EDA: variants seen among roughly 807,000 people sequenced by gnomAD.
EDA encodes the protein ectodysplasin-A.
Under a neutral mutation model 23.6 loss-of-function variants are expected in EDA, and 2 were observed. The ratio of observed to expected loss-of-function variants is 0.08; its 90% CI spans 0.03 to 0.27. The LOEUF (loss-of-function observed/expected upper bound fraction) is 0.27. Ranked by LOEUF, EDA falls within the 10% of genes least tolerant of loss-of-function variation. The probability of loss-of-function intolerance (pLI) is 1.00; values close to 1 mark genes in which losing one functional copy is unlikely to be tolerated. For synonymous variants in EDA, 131 were observed against 132.0 expected (o/e 0.99, Z 0.05); for missense variants, 229 against 324.2 (o/e 0.71, Z 2.26).
intron 1 of EDA, among the ~76,000 whole-genome samples, chrX:69,625,769 A>G (rs866842482): frequency 9.0e-6 from 1 of 110,737 alleles, no homozygotes; most frequent in East Asian, 2.8e-4. Flanking sequence ...TGCAGAGCAA[A>G]GATTTATTAG....
At chrX:69,945,075 A>G (rs1897280493) in intron 1 of EDA, among the ~76,000 whole-genome samples, 1 of 112,323 alleles carries the variant, frequency 8.9e-6, no homozygotes, top group East Asian at 2.8e-4. Context: ...GGTGGTTTTA[A>G]GACTGTCTTT....
chrX:69,782,616 G>A (rs1308942857), intron 1 of EDA, among the ~76,000 whole-genome samples: 1 of 111,198 alleles, frequency 9.0e-6, no homozygotes, highest in Non-Finnish European at 1.9e-5. Flanking sequence ...TTTGTTCATC[G>A]AAGTGTCTCA....
intron 1 of EDA, among the ~76,000 whole-genome samples, chrX:69,889,021 T>TATATATATATATATA (rs58327577): frequency 1.6e-3 from 116 of 73,482 alleles, no homozygotes; most frequent in East Asian, 2.6e-3. Context: ...TATATATATA[T>TATATATATATATATA]TATGTTTTTC....
intron 1 of EDA, among the ~76,000 whole-genome samples, chrX:69,919,720 G>A (rs183213110): frequency 1.2e-3 from 133 of 112,168 alleles, no homozygotes; most frequent in Non-Finnish European, 1.7e-3. Context: ...TTCTGCTTCA[G>A]AAGTCATAGT....
At chrX:69,872,600 T>C (rs1437539556) in intron 1 of EDA, among the ~76,000 whole-genome samples, 1 of 111,600 alleles carries the variant, frequency 9.0e-6, no homozygotes, top group African/African-American at 3.3e-5. Flanking sequence ...GGAGTAGCTA[T>C]ACTAATAACA....
At chrX:69,645,264 CTT>C (rs1316246487) in intron 1 of EDA, among the ~76,000 whole-genome samples, 2 of 109,416 alleles carry the variant, frequency 1.8e-5, no homozygotes, top group African/African-American at 6.7e-5. Flanking sequence ...TTGTCAAAGT[CTT>C]AATTTCAGAA....
At chrX:69,786,815 T>G (rs755984582) in intron 1 of EDA, among the ~76,000 whole-genome samples, 1 of 111,390 alleles carries the variant, frequency 9.0e-6, no homozygotes, top group East Asian at 2.8e-4. Context: ...GTCCGCTTGG[T>G]GCAGAGCTGA....
chrX:69,659,966 G>A (rs1437190607), intron 1 of EDA, among the ~76,000 whole-genome samples: 1 of 111,559 alleles, frequency 9.0e-6, no homozygotes, highest in Non-Finnish European at 1.9e-5. Context: ...CCTAGGCATG[G>A]ATGTGTCAGT....
In EDA at chrX:69,705,981, G is replaced by A. The variant is rs2011704363; in HGVS notation, c.396+89277G>A. ...GCCAAGAAAATCACCTTAAACAAAG[G>A]TAAGGCTTGTTATGTAAATTTAAGT... On this transcript the variant is annotated intron_variant, in intron 1 of 7. Transcript: ENST00000374552. Among the ~76,000 whole-genome samples the A allele has an allele frequency of 2.7e-5, 3 of 112,115 alleles. No individual in the cohort carries two copies. The Admixed American group carries it at 2.8e-4, about 11-fold the overall frequency.
chrX:69,886,135 G>T (rs2017826346), intron 1 of EDA, among the ~76,000 whole-genome samples: 1 of 111,817 alleles, frequency 8.9e-6, no homozygotes, highest in African/African-American at 3.2e-5. Flanking sequence ...GACACAGAGG[G>T]AGGCATGCTT....
In EDA at chrX:69,661,831, TA is replaced by T. The variant is rs757012861; in HGVS notation, c.396+45133del. Among the ~76,000 whole-genome samples, 10 of 111,988 alleles carry T rather than the reference TA, an allele frequency of 8.9e-5. No homozygotes were observed. In the South Asian group the frequency reaches 3.7e-3, roughly 42 times the overall value. ...CTTAGGATTAATCACTAGTATTTTTTAAAAAATACATTTCATTGTGTATATT... is the reference window on the plus strand; with the variant it reads ...CTTAGGATTAATCACTAGTATTTTTTAAAAATACATTTCATTGTGTATATT... On this transcript the variant is annotated intron_variant, in intron 1 of 7. Coordinates refer to ENST00000374552, the MANE Select transcript of EDA (RefSeq NM_001399.5).
chrX:69,964,990 T>C (rs1569387628), intron 2 of EDA, among the ~76,000 whole-genome samples: 1 of 111,851 alleles, frequency 8.9e-6, no homozygotes, highest in Non-Finnish European at 1.9e-5. Flanking sequence ...AAGGGCACAG[T>C]AGTGAACAAG....
At position 69,718,236 on chromosome X, in the gene EDA, G is replaced by A. The variant is rs1343650864; in HGVS notation, c.396+101532G>A. Among the ~76,000 whole-genome samples, 20 of 111,961 alleles carry A rather than the reference G, an allele frequency of 1.8e-4. No individual in the cohort carries two copies. The Admixed American group carries it at 1.9e-3, about 11-fold the overall frequency. The stretch of plus-strand genomic sequence containing the variant: ...CCTTGGGATCTTCAACGTAGACATA[G>A]CATCTGCAAACAAAGATAGTTTTCT... On this transcript the variant is annotated intron_variant, in intron 1 of 7. Coordinates refer to ENST00000374552, the MANE Select transcript of EDA (RefSeq NM_001399.5).
chrX:69,828,137 T>C (rs1477077184), intron 1 of EDA, among the ~76,000 whole-genome samples: 3 of 111,257 alleles, frequency 2.7e-5, no homozygotes, highest in Non-Finnish European at 3.8e-5. Context: ...TCTGCAGAAG[T>C]TACTGCTGTC....
chrX:69,906,973 G>C (rs1451256398), intron 1 of EDA, among the ~76,000 whole-genome samples: 1 of 111,882 alleles, frequency 8.9e-6, no homozygotes, highest in African/African-American at 3.2e-5. Context: ...AATAATTCAA[G>C]CAAGGAATTG....
chrX:69,980,201 G>A (rs905785657), intron 2 of EDA, among the ~76,000 whole-genome samples: 1 of 111,343 alleles, frequency 9.0e-6, no homozygotes, highest in Non-Finnish European at 1.9e-5. Flanking sequence ...TAATCTGGGT[G>A]ACAAGGAGTC....
At chrX:69,884,911 G>A (rs890246231) in intron 1 of EDA, among the ~76,000 whole-genome samples, 3 of 112,078 alleles carry the variant, frequency 2.7e-5, no homozygotes, top group Non-Finnish European at 5.6e-5. Context: ...TTCCAAAGTG[G>A]CTGCAACATT....
chrX:69,940,028 G>A (rs2018733909), intron 1 of EDA, among the ~76,000 whole-genome samples: 1 of 110,665 alleles, frequency 9.0e-6, no homozygotes, highest in South Asian at 3.8e-4. Context: ...TGTTTATCAG[G>A]GATATTGGCT....
chrX:69,721,537 T>A (rs1481330308), intron 1 of EDA, among the ~76,000 whole-genome samples: 1 of 111,089 alleles, frequency 9.0e-6, no homozygotes, highest in Admixed American at 9.5e-5. Context: ...AGAGAGTACT[T>A]CCCCTGTCTG....
Sources: allele counts gnomAD v4.1 joint callset (sites outside exome capture counted in the v4.1 genomes callset), GRCh38; gene constraint gnomAD v4.1.1; transcripts MANE v1.5; gene names NCBI Gene and HGNC (gene_info 2026-07-23, HGNC 2026-07-21).